The following UGT2A3 variants were observed in gnomAD, a reference collection of about 807,000 sequenced individuals.
The protein encoded by UGT2A3 is UDP glucuronosyltransferase family 2 member A3.
UGT2A3 carries 55 observed loss-of-function variants against 44.1 expected under a neutral mutation model. That is an observed-to-expected ratio of 1.25 (90% CI 1.00 to 1.56). The LOEUF is 1.56. Ranked by LOEUF, UGT2A3 falls within the 40% of genes most tolerant of loss-of-function variation. The pLI, the probability that UGT2A3 is intolerant of heterozygous loss-of-function variation, is 0.00. For missense variants in UGT2A3, 733 were observed against 621.6 expected (o/e 1.18, Z -1.91); for synonymous variants, 243 against 215.1 (o/e 1.13, Z -1.13).
chr4:68,944,209 A>T (rs1718298300), intron 2 of UGT2A3, among the ~76,000 whole-genome samples: 1 of 151,824 alleles, frequency 6.6e-6, no homozygotes, highest in Non-Finnish European at 1.5e-5. Flanking sequence ...CTTTGTAGGG[A>T]TAAAGAAGAC....
intron 1 of UGT2A3, 138 bp downstream of exon 1, chr4:68,950,908 C>A: frequency 1.7e-6 from 1 of 590,858 alleles, no homozygotes. Flanking sequence ...AACAAATACA[C>A]TTTCTTTATG....
Position 68,929,749 on chromosome 4 carries a change from C to T in UGT2A3, c.*64G>A. 2 of 1,409,976 alleles carry T rather than the reference C, an allele frequency of 1.4e-6. No individual in the cohort carries two copies. Among genetic ancestry groups the T allele is most frequent in the South Asian group, 1.5e-5 (1 of 68,030 alleles). 87.3% of individuals were successfully genotyped at this position (1,409,976 alleles called of 1,614,324 possible). A position where few individuals can be genotyped will look rare whatever the true frequency, so the allele number is the denominator to read the frequency against. ...AATATGAAAATAGCAAGGTTTTCAC[C>T]AAATTCTATGTGGCTGGAATTAACA... On this transcript the variant is annotated 3_prime_UTR_variant, in exon 6 of 6. Coordinates refer to ENST00000251566, the MANE Select transcript of UGT2A3 (RefSeq NM_024743.4).
chr4:68,936,563 A>G (rs1191732460), intron 2 of UGT2A3, among the ~76,000 whole-genome samples: 1 of 152,130 alleles, frequency 6.6e-6, no homozygotes, highest in African/African-American at 2.4e-5. Flanking sequence ...CGAAGGAAGC[A>G]CTTAACATGG....
chr4:68,931,325 A>T, intron 3 of UGT2A3, 83 bp from the exon 4 acceptor site: 2 of 1,125,008 alleles, frequency 1.8e-6, no homozygotes, highest in Non-Finnish European at 2.6e-6. Flanking sequence ...ATAAATTATA[A>T]ACTCATTGTA....
In UGT2A3 at chr4:68,929,776, G is replaced by T; in HGVS notation, c.*37C>A. 2 of 1,506,186 alleles carry T rather than the reference G, an allele frequency of 1.3e-6. No homozygotes were observed. Among genetic ancestry groups the T allele is most frequent in the Non-Finnish European group, 1.8e-6 (2 of 1,115,660 alleles). The allele number at this position is 1,506,186 out of a possible 1,614,324, so 93.3% of individuals were successfully genotyped here. A position where few individuals can be genotyped will look rare whatever the true frequency, so the allele number is the denominator to read the frequency against. On this transcript the variant is annotated 3_prime_UTR_variant, in exon 6 of 6. Transcript: ENST00000251566. ...AATTCTATGTGGCTGGAATTAACAG[G>T]ATTACCCCATCAGGTCTTTCTTGAA...
In UGT2A3 at chr4:68,945,246, T is replaced by C; in HGVS notation, c.864+60A>G. 3 of 1,588,630 alleles carry C rather than the reference T, an allele frequency of 1.9e-6. No individual in the cohort carries two copies. The South Asian group carries it at 3.3e-5, about 18-fold the overall frequency. On this transcript the variant is annotated intron_variant, in intron 2 of 5. Transcript: ENST00000251566. ...CCTTCTATAACTAAGGTTGTAATCT[T>C]TCAAGGGAAAACAAGTCATGTCATA...
chr4:68,930,559 T>C lies in UGT2A3; in HGVS notation c.1291A>G (p.Ile431Val). 1 of 1,610,846 alleles carries C rather than the reference T, an allele frequency of 6.2e-7. No individual in the cohort carries two copies. Reference sequence around the variant, plus strand: ...AGTAGTACTTACGAGGAATCGGTAATGACTGTTCTCAAAGCCCTCAGTAAA... The same window carrying C: ...AGTAGTACTTACGAGGAATCGGTAACGACTGTTCTCAAAGCCCTCAGTAAA... ...EDLLRALRTV[I>V]TDSSYKENAM... The change falls in exon 5 of 6, where the codon ATT becomes GTT. Residue 431 changes from isoleucine (I) to valine (V), a missense_variant. Transcript: ENST00000251566.
rs1717646073 is a variant in UGT2A3, at chr4:68,929,691, G to T, written c.*122C>A. On this transcript the variant is annotated 3_prime_UTR_variant, in exon 6 of 6. Transcript: ENST00000251566. ...CAACCTCATGATCGTGGAATTCTAG[G>T]CTATATAGCTAAGATAAAATAACAG... The T allele has an allele frequency of 5.4e-5, 49 of 906,660 alleles. 2 individuals carry two copies. The highest frequency in any genetic ancestry group is 3.7e-4 in the South Asian group (19 of 51,306). 56.2% of individuals were successfully genotyped at this position (906,660 alleles called of 1,614,324 possible).
At chr4:68,938,537 T>C (rs1168925320) in intron 2 of UGT2A3, among the ~76,000 whole-genome samples, 1 of 152,098 alleles carries the variant, frequency 6.6e-6, no homozygotes, top group Non-Finnish European at 1.5e-5. Flanking sequence ...AAACTAGGAA[T>C]TGATGGAACA....
chr4:68,944,140 C>T (rs998352721), intron 2 of UGT2A3, among the ~76,000 whole-genome samples: 1 of 151,800 alleles, frequency 6.6e-6, no homozygotes, highest in Non-Finnish European at 1.5e-5. Flanking sequence ...CATGTTTTCT[C>T]ACTTGACCAA....
chr4:68,938,471 G>A (rs985841916), intron 2 of UGT2A3, among the ~76,000 whole-genome samples: 1 of 152,044 alleles, frequency 6.6e-6, no homozygotes, highest in Non-Finnish European at 1.5e-5. Flanking sequence ...TATATCAATA[G>A]ATGCAGAAAA....
At position 68,929,252 on chromosome 4, in the gene UGT2A3, A is replaced by C. The variant is rs1328910499; in HGVS notation, c.*561T>G. ...AGGCCATGACATCTAGATGAGGTCTATGGAAATACAGCAAACTTTTCTAAG... is the reference window on the plus strand; with the variant it reads ...AGGCCATGACATCTAGATGAGGTCTCTGGAAATACAGCAAACTTTTCTAAG... On this transcript the variant is annotated 3_prime_UTR_variant, in exon 6 of 6. Coordinates refer to ENST00000251566, the MANE Select transcript of UGT2A3 (RefSeq NM_024743.4). The C allele has an allele frequency of 6.6e-6, 1 of 152,178 alleles. No individual in the cohort carries two copies. Among genetic ancestry groups the C allele is most frequent in the Non-Finnish European group, 1.5e-5 (1 of 68,014 alleles). The allele number at this position is 152,178 out of a possible 1,614,324, so 9.4% of individuals were successfully genotyped here.
rs1577845031 is a variant in UGT2A3 at position 68,932,742 on chromosome 4, G to A, written c.882C>T (p.Val294=). Residue 294 remains valine, a synonymous_variant, in exon 3 of 6, where the codon GTC becomes GTT. Coordinates refer to ENST00000251566, the MANE Select transcript of UGT2A3 (RefSeq NM_024743.4). Reference sequence around the variant, plus strand: ...CAATACCATCTTCCCCTGAACTCTGGACAAAATTTTCCATTTCCTGAAGAT... The same window carrying A: ...CAATACCATCTTCCCCTGAACTCTGAACAAAATTTTCCATTTCCTGAAGAT... ...KALPKEMENF[V]QSSGEDGIVV... is the part of the protein sequence containing the mutation. 1.2e-6 allele frequency: 2 copies of A among 1,605,194 alleles called. No individual in the cohort carries two copies. The highest frequency in any genetic ancestry group is 1.7e-6 in the Non-Finnish European group (2 of 1,175,438).
At chr4:68,948,439 C>CTTTTT (rs60082800) in intron 1 of UGT2A3, among the ~76,000 whole-genome samples, 20 of 110,144 alleles carry the variant, frequency 1.8e-4, no homozygotes, top group East Asian at 1.2e-3. Flanking sequence ...TCTTTTTTTT[C>CTTTTT]TTTTTTTTTT....
At chr4:68,932,991 GTA>G (rs1440938095) in intron 2 of UGT2A3, among the ~76,000 whole-genome samples, 2 of 151,906 alleles carry the variant, frequency 1.3e-5, no homozygotes, top group African/African-American at 4.8e-5. Context: ...AACCAAAACA[GTA>G]TGCAAAAAGT....
intron 2 of UGT2A3, among the ~76,000 whole-genome samples, chr4:68,936,458 A>G (rs1303534265): frequency 6.6e-6 from 1 of 152,110 alleles, no homozygotes; most frequent in Non-Finnish European, 1.5e-5. Flanking sequence ...ATGCAGCCAA[A>G]TTAAGTTTCA....
chr4:68,935,670 G>A (rs1263720542), intron 2 of UGT2A3, among the ~76,000 whole-genome samples: 1 of 151,992 alleles, frequency 6.6e-6, no homozygotes, highest in African/African-American at 2.4e-5. Flanking sequence ...AAGGATTGCA[G>A]CTCCTCACCA....
At chr4:68,936,822 A>T (rs1717968837) in intron 2 of UGT2A3, among the ~76,000 whole-genome samples, 1 of 150,758 alleles carries the variant, frequency 6.6e-6, no homozygotes, top group East Asian at 2.0e-4. Context: ...GACCCATCTC[A>T]CATACAGAGA....
chr4:68,946,755 T>A (rs952133316), intron 1 of UGT2A3, among the ~76,000 whole-genome samples: 26 of 151,668 alleles, frequency 1.7e-4, no homozygotes, highest in African/African-American at 6.3e-4. Context: ...ACACATATCT[T>A]GGAGATATTG....
Sources: allele counts gnomAD v4.1 joint callset (sites outside exome capture counted in the v4.1 genomes callset), GRCh38; gene constraint gnomAD v4.1.1; transcripts MANE v1.5; gene names NCBI Gene and HGNC (gene_info 2026-07-23, HGNC 2026-07-21).